ZNF385D: variants seen among roughly 807,000 people sequenced by gnomAD.
ZNF385D encodes zinc finger protein 385D.
ZNF385D carries 15 observed loss-of-function variants against 35.8 expected under a neutral mutation model. The ratio of observed to expected loss-of-function variants is 0.42; its 90% CI spans 0.28 to 0.64. ZNF385D has a LOEUF of 0.64. Among genes scored for constraint, ZNF385D ranks in the 30% least tolerant of loss-of-function variants. The pLI, the probability that ZNF385D is intolerant of heterozygous loss-of-function variation, is 0.23. For synonymous variants in ZNF385D, 212 were observed against 186.8 expected (o/e 1.13, Z -1.10); for missense variants, 474 against 494.6 (o/e 0.96, Z 0.39).
rs1483674692 is a variant in ZNF385D, at chr3:21,510,842, A to G, written c.439+19T>C. 1 of 1,613,294 alleles carries G rather than the reference A, an allele frequency of 6.2e-7. No homozygotes were observed. Among genetic ancestry groups the G allele is most frequent in the Non-Finnish European group, 8.5e-7 (1 of 1,179,362 alleles). On this transcript the variant is annotated intron_variant, in intron 4 of 7. Coordinates refer to ENST00000281523, the MANE Select transcript of ZNF385D (RefSeq NM_024697.3). Reference sequence around the variant, plus strand: ...AACGACGACGACGAGGACAACAACAACAAAGATCATTGCTTAACCTGTTTT... The same window carrying G: ...AACGACGACGACGAGGACAACAACAGCAAAGATCATTGCTTAACCTGTTTT...
chr3:22,295,787 T>C (rs535310790), intron 2 of ZNF385D, among the ~76,000 whole-genome samples: 1 of 152,116 alleles, frequency 6.6e-6, no homozygotes, highest in Non-Finnish European at 1.5e-5. Flanking sequence ...ACCTTCTCAG[T>C]AACAACTGAT....
chr3:21,873,529 T>A lies in ZNF385D; in HGVS notation c.326-208501A>T, dbSNP rs1697803025. Reference sequence around the variant, plus strand: ...ATCCACCTTCTTTCCTTTTTAGGTGTACAGTATGGTATTCTTAACTATAAG... The same window carrying A: ...ATCCACCTTCTTTCCTTTTTAGGTGAACAGTATGGTATTCTTAACTATAAG... On this transcript the variant is annotated intron_variant, in intron 3 of 5. Coordinates refer to the ZNF385D transcript ENST00000494108. 2.0e-5 allele frequency among the ~76,000 whole-genome samples: 3 copies of A among 152,246 alleles called. No homozygotes were observed. The South Asian group carries it at 6.2e-4, about 32-fold the overall frequency.
intron 3 of ZNF385D, among the ~76,000 whole-genome samples, chr3:22,113,902 T>A (rs188427933): frequency 2.0e-5 from 3 of 152,080 alleles, no homozygotes; most frequent in Non-Finnish European, 2.9e-5. Flanking sequence ...TAAATCTAGA[T>A]AGAAAGGTCT....
chr3:21,822,536 T>G (rs1010244683), intron 3 of ZNF385D, among the ~76,000 whole-genome samples: 1 of 152,100 alleles, frequency 6.6e-6, no homozygotes, highest in Non-Finnish European at 1.5e-5. Flanking sequence ...CCTAGAAAAT[T>G]TAGACATATG....
At chr3:22,223,789 T>A (rs1698398302) in intron 2 of ZNF385D, among the ~76,000 whole-genome samples, 1 of 152,186 alleles carries the variant, frequency 6.6e-6, no homozygotes, top group Non-Finnish European at 1.5e-5. Flanking sequence ...ACCATAATGA[T>A]TTCCGACATT....
chr3:21,696,592 G>T (rs1225506058), intron 1 of ZNF385D, among the ~76,000 whole-genome samples: 1 of 152,182 alleles, frequency 6.6e-6, no homozygotes, highest in Admixed American at 6.5e-5. Context: ...ATGAATAATA[G>T]GCTTTCTGAT....
chr3:21,937,587 T>C (rs1701322395), intron 3 of ZNF385D, among the ~76,000 whole-genome samples: 1 of 152,154 alleles, frequency 6.6e-6, no homozygotes, highest in Non-Finnish European at 1.5e-5. Flanking sequence ...ATTCTAAAAA[T>C]GTATTTATAT....
At chr3:21,746,758 G>A (rs184465152) in intron 1 of ZNF385D, among the ~76,000 whole-genome samples, 1 of 152,288 alleles carries the variant, frequency 6.6e-6, no homozygotes, top group East Asian at 1.9e-4. Flanking sequence ...ATTAGAAGGA[G>A]TTAAATGTTT....
In ZNF385D at chr3:21,732,026, CGG is replaced by C. The variant is rs147820544; in HGVS notation, c.22+18867_22+18868del. Among the ~76,000 whole-genome samples the C allele has an allele frequency of 8.3e-5, 2 of 24,124 alleles. 1 individual carries two copies. Among genetic ancestry groups the C allele is most frequent in the East Asian group, 2.7e-3 (2 of 752 alleles). The allele number at this position is 24,124 out of a possible 152,430, so 15.8% of individuals were successfully genotyped here. ...TCTATTCAGGGTTTTTTTCTTTTTT[CGG>C]GGTTTTTTTTTTTTTTTTTTTTTTT... On this transcript the variant is annotated intron_variant, in intron 1 of 7. Coordinates refer to ENST00000281523, the MANE Select transcript of ZNF385D (RefSeq NM_024697.3).
intron 3 of ZNF385D, among the ~76,000 whole-genome samples, chr3:21,541,031 C>A (rs2062161972): frequency 6.6e-6 from 1 of 152,072 alleles, no homozygotes; most frequent in African/African-American, 2.4e-5. Context: ...GAATCTGGGC[C>A]AGTGTTGGGT....
chr3:21,484,552 T>G (rs925284912), intron 4 of ZNF385D, among the ~76,000 whole-genome samples: 5 of 152,120 alleles, frequency 3.3e-5, no homozygotes, highest in African/African-American at 1.2e-4. Flanking sequence ...AAGAAGGATA[T>G]GTAAAGGGTC....
chr3:21,527,139 T>A (rs1349022031), intron 3 of ZNF385D, among the ~76,000 whole-genome samples: 1 of 152,210 alleles, frequency 6.6e-6, no homozygotes, highest in Non-Finnish European at 1.5e-5. Flanking sequence ...TTTCAGACTT[T>A]CAGGGATATA....
intron 3 of ZNF385D, among the ~76,000 whole-genome samples, chr3:21,864,316 G>A (rs1301478823): frequency 2.6e-5 from 4 of 152,060 alleles, no homozygotes; most frequent in Admixed American, 2.0e-4. Flanking sequence ...CCCATTTACG[G>A]TAAAAAGGGA....
At chr3:21,794,411 C>T (rs2072060502) in intron 3 of ZNF385D, among the ~76,000 whole-genome samples, 1 of 152,046 alleles carries the variant, frequency 6.6e-6, no homozygotes, top group African/African-American at 2.4e-5. Flanking sequence ...ACAGAAAACA[C>T]AGTGGATTAG....
intron 1 of ZNF385D, among the ~76,000 whole-genome samples, chr3:21,727,526 C>A (rs150332849): frequency 2.0e-5 from 3 of 152,176 alleles, no homozygotes; most frequent in Non-Finnish European, 4.4e-5. Context: ...ACAGACACTT[C>A]TCAAAAGGAG....
At chr3:22,324,658 C>T (rs75828640) in intron 2 of ZNF385D, among the ~76,000 whole-genome samples, 4,056 of 152,208 alleles carry the variant, frequency 0.027, 67 homozygotes, top group Middle Eastern at 0.048. Flanking sequence ...AAAATCTCAA[C>T]AGTATTTTAA....
intron 3 of ZNF385D, among the ~76,000 whole-genome samples, chr3:21,995,133 C>T (rs1695380264): frequency 6.6e-6 from 1 of 152,194 alleles, no homozygotes; most frequent in Non-Finnish European, 1.5e-5. Context: ...CATCAATAAG[C>T]CAACCTTCAG....
chr3:22,154,626 T>C (rs1705468387), intron 3 of ZNF385D, among the ~76,000 whole-genome samples: 2 of 152,152 alleles, frequency 1.3e-5, no homozygotes, highest in African/African-American at 4.8e-5. Context: ...TTGGCATCTC[T>C]ATGAATCTCT....
chr3:22,304,214 A>G (rs1703079543), intron 2 of ZNF385D, among the ~76,000 whole-genome samples: 1 of 152,202 alleles, frequency 6.6e-6, no homozygotes, highest in African/African-American at 2.4e-5. Context: ...ATATCCCTGT[A>G]TGCATTTTCT....
Sources: gnomAD v4.1 joint callset for allele counts (sites outside exome capture counted in the v4.1 genomes callset) on GRCh38, gnomAD v4.1.1 for gene constraint, MANE v1.5 for transcripts, NCBI Gene and HGNC (gene_info 2026-07-23, HGNC 2026-07-21) for gene names.